The following VPS35L variants were observed in gnomAD, a reference collection of about 807,000 sequenced individuals.
VPS35L encodes the protein VPS35 endosomal protein sorting factor like, also known as VPS35 endosomal protein-sorting factor-like.
A neutral mutation model predicts 133.0 loss-of-function variants in VPS35L; 83 were observed. The observed-to-expected ratio is 0.62, with a 90% CI of 0.52 to 0.75. The LOEUF (loss-of-function observed/expected upper bound fraction) is 0.75. Ranked by LOEUF, VPS35L falls within the 30% of genes least tolerant of loss-of-function variation. The pLI is 0.00. For missense variants in VPS35L, 1,083 were observed against 1,206.8 expected (o/e 0.90, Z 1.52); for synonymous variants, 423 against 449.9 (o/e 0.94, Z 0.76).
intron 14 of VPS35L, chr16:19,617,329 G>C (rs576197621): frequency 3.5e-5 from 7 of 198,478 alleles, no homozygotes; most frequent in African/African-American, 1.4e-4. Context: ...CTGCACTCCA[G>C]CCTGAGTGAC....
chr16:19,690,992 C>T (rs1219913964), intron 28 of VPS35L, among the ~76,000 whole-genome samples: 4 of 151,844 alleles, frequency 2.6e-5, no homozygotes, highest in Admixed American at 2.6e-4. Context: ...AAAGAAAAAT[C>T]ATGTCTTCAC....
intron 28 of VPS35L, among the ~76,000 whole-genome samples, chr16:19,683,511 C>T (rs1975358478): frequency 1.3e-5 from 2 of 152,128 alleles, no homozygotes; most frequent in East Asian, 3.9e-4. Flanking sequence ...CCATGGGTAC[C>T]CAATGCTTGG....
chr16:19,652,712 A>C (rs903720633), intron 26 of VPS35L: 2 of 152,374 alleles, frequency 1.3e-5, no homozygotes, highest in African/African-American at 4.8e-5. Context: ...GTGAGACATG[A>C]GGACTGCTTC....
At position 19,645,081 on chromosome 16, in the gene VPS35L, A is replaced by G. The variant is rs558443349; in HGVS notation, c.1929+132A>G. On this transcript the variant is annotated intron_variant, in intron 23 of 30. Coordinates refer to ENST00000417362, the MANE Select transcript of VPS35L (RefSeq NM_020314.7). ...TTAGTGAGATAAAATGAAATTAGAAAACATCTTACATTAGCCAGGACTCCC... is the reference window on the plus strand; with the variant it reads ...TTAGTGAGATAAAATGAAATTAGAAGACATCTTACATTAGCCAGGACTCCC... The G allele has an allele frequency of 1.1e-4, 69 of 603,110 alleles. No individual in the cohort carries two copies. The African/African-American group carries it at 1.2e-3, about 11-fold the overall frequency. 37.4% of individuals were successfully genotyped at this position (603,110 alleles called of 1,614,324 possible). A position where few individuals can be genotyped will look rare whatever the true frequency, so the allele number is the denominator to read the frequency against.
intron 8 of VPS35L, among the ~76,000 whole-genome samples, chr16:19,599,754 T>C (rs1972324369): frequency 6.6e-6 from 1 of 152,066 alleles, no homozygotes; most frequent in Non-Finnish European, 1.5e-5. Flanking sequence ...ATGTAGGTGG[T>C]CCAAGGCCAG....
intron 17 of VPS35L, among the ~76,000 whole-genome samples, chr16:19,629,446 A>G (rs1276623071): frequency 6.6e-6 from 1 of 152,202 alleles, no homozygotes; most frequent in African/African-American, 2.4e-5. Flanking sequence ...TGCTAAAAGT[A>G]TAAAATTACA....
chr16:19,578,781 T>A, intron 5 of VPS35L: 1 of 479,734 alleles, frequency 2.1e-6, no homozygotes, highest in Non-Finnish European at 3.8e-6. Flanking sequence ...AAACAGATGA[T>A]ACAGAGCAAA....
At chr16:19,602,058 G>GA (rs928595459) in intron 9 of VPS35L, among the ~76,000 whole-genome samples, 52 of 145,176 alleles carry the variant, frequency 3.6e-4, no homozygotes, top group African/African-American at 1.1e-3. Flanking sequence ...AACTTGCTTG[G>GA]AAAAAAAAAT....
chr16:19,618,179 A>G (rs1972959350), intron 14 of VPS35L: 1 of 151,986 alleles, frequency 6.6e-6, no homozygotes, highest in Non-Finnish European at 1.5e-5. Context: ...CAAAACAAGG[A>G]CATATAGAGC....
intron 12 of VPS35L, among the ~76,000 whole-genome samples, chr16:19,612,409 A>G (rs1015379558): frequency 9.2e-5 from 14 of 152,012 alleles, no homozygotes; most frequent in African/African-American, 3.1e-4. Context: ...ACCTGCCACC[A>G]TGCCCAGCTA....
intron 19 of VPS35L, among the ~76,000 whole-genome samples, chr16:19,635,813 T>C (rs1973605923): frequency 6.6e-6 from 1 of 152,178 alleles, no homozygotes; most frequent in African/African-American, 2.4e-5. Context: ...TAAAAATTGA[T>C]GGATTTGGGT....
chr16:19,597,734 G>C (rs1324669543), intron 8 of VPS35L, among the ~76,000 whole-genome samples: 1 of 152,168 alleles, frequency 6.6e-6, no homozygotes, highest in Admixed American at 6.5e-5. Context: ...TGTTGAGGCA[G>C]CCTGCATGGA....
Position 19,587,796 on chromosome 16 carries a change from TC to T in VPS35L, c.640-3993del, listed in dbSNP as rs1385121644. 4.9e-5 allele frequency among the ~76,000 whole-genome samples: 7 copies of T among 143,648 alleles called. No individual in the cohort carries two copies. In the South Asian group the frequency reaches 6.4e-4, roughly 13 times the overall value. 94.2% of individuals were successfully genotyped at this position (143,648 alleles called of 152,430 possible). ...CAATCCTTATGCCAGTTCCACATTG[TC>T]TTTTTTTTTTTTTTTTTTTTGAGAC... is the stretch of plus-strand genomic sequence containing the variant. On this transcript the variant is annotated intron_variant, in intron 7 of 30. Transcript: ENST00000417362.
rs563218749 is a variant in VPS35L at position 19,601,852 on chromosome 16, C to T, written c.784+129C>T. 6.1e-4 allele frequency: 536 copies of T among 884,172 alleles called. 4 individuals carry two copies. In the South Asian group the frequency reaches 9.2e-3, roughly 15 times the overall value. 54.8% of individuals were successfully genotyped at this position (884,172 alleles called of 1,614,324 possible). A position where few individuals can be genotyped will look rare whatever the true frequency, so the allele number is the denominator to read the frequency against. ...TGGGTGTGTTAAAGTAAAAGAAACA[C>T]CTTTGAAGATTTCTGATCACCTCAG... On this transcript the variant is annotated intron_variant, in intron 9 of 30. Transcript: ENST00000417362.
At chr16:19,688,548 G>A (rs1597438936) in intron 28 of VPS35L, among the ~76,000 whole-genome samples, 2 of 152,320 alleles carry the variant, frequency 1.3e-5, no homozygotes, top group Non-Finnish European at 1.5e-5. Flanking sequence ...ACTCAGGACA[G>A]TGACCCAGAT....
chr16:19,661,085 T>C (rs926219808), intron 26 of VPS35L, among the ~76,000 whole-genome samples: 1 of 150,406 alleles, frequency 6.6e-6, no homozygotes, highest in Non-Finnish European at 1.5e-5. Context: ...TATATATATA[T>C]GTAGTTCTCT....
At chr16:19,625,733 G>T (rs972273867) in intron 14 of VPS35L, among the ~76,000 whole-genome samples, 4 of 152,120 alleles carry the variant, frequency 2.6e-5, no homozygotes, top group African/African-American at 9.7e-5. Context: ...GAGTGCAGTG[G>T]CATGATCTCA....
At chr16:19,601,341 G>A (rs540687369) in intron 8 of VPS35L, among the ~76,000 whole-genome samples, 40 of 152,302 alleles carry the variant, frequency 2.6e-4, no homozygotes, top group African/African-American at 8.4e-4. Context: ...GATTCAGCCC[G>A]TGGGCTGCCT....
intron 17 of VPS35L, 103 bp downstream of exon 17, chr16:19,628,856 A>G: frequency 2.4e-6 from 1 of 416,520 alleles, no homozygotes; most frequent in Non-Finnish European, 3.7e-6. Flanking sequence ...CAATGGCGCC[A>G]TCTCGGCTCA....
Sources: allele counts gnomAD v4.1 joint callset (sites outside exome capture counted in the v4.1 genomes callset), GRCh38; gene constraint gnomAD v4.1.1; transcripts MANE v1.5; gene names NCBI Gene and HGNC (gene_info 2026-07-23, HGNC 2026-07-21).